Variants in MARS1 observed in about 807,000 individuals in gnomAD.
MARS1 encodes the protein methionyl-tRNA synthetase 1, also known as methionine--tRNA ligase, cytoplasmic.
In MARS1, 80 loss-of-function variants were observed where a neutral mutation model predicts 119.5. The ratio of observed to expected loss-of-function variants is 0.67; its 90% CI spans 0.56 to 0.81. MARS1 has a LOEUF of 0.81. MARS1 is among the 30% of genes least tolerant of loss of function. The probability of loss-of-function intolerance (pLI) is 0.00; values close to 1 mark genes in which losing one functional copy is unlikely to be tolerated. For synonymous variants in MARS1, 418 were observed against 433.4 expected, an observed-to-expected ratio of 0.96 and a Z score of 0.44; for missense variants, 945 against 1,116.5, an observed-to-expected ratio of 0.85 and a Z score of 2.19.
At chr12:57,495,189 C>T (rs1165762733) in intron 7 of MARS1, among the ~76,000 whole-genome samples, 7 of 149,446 alleles carry the variant, frequency 4.7e-5, no homozygotes, top group African/African-American at 1.2e-4. Flanking sequence ...CCCCACCTCC[C>T]GGATGGGGCG....
Position 57,488,181 on chromosome 12 carries a change from A to G in MARS1, c.91A>G (p.Ser31Gly). ...CCGGGGCAGAGCAGAGGTGCTCATCAGCACTGTAGGCCCGGAAGGTACTCG... is the reference window on the plus strand; with the variant it reads ...CCGGGGCAGAGCAGAGGTGCTCATCGGCACTGTAGGCCCGGAAGGTACTCG... ...RARGRAEVLI[S>G]TVGPEDCVVP... The change falls in exon 1 of 21, where the codon AGC (serine) becomes GGC (glycine). Residue 31 changes from serine (S) to glycine (G), a missense_variant. By Grantham distance (56) the Ser-to-Gly change is moderately conservative. Coordinates refer to ENST00000262027, the MANE Select transcript of MARS1 (RefSeq NM_004990.4). The G allele has an allele frequency of 6.2e-7, 1 of 1,613,776 alleles. No homozygotes were observed. Among genetic ancestry groups the G allele is most frequent in the East Asian group, 2.2e-5 (1 of 44,878 alleles).
At position 57,493,843 on chromosome 12, in the gene MARS1, A is replaced by AT. The variant is rs1876386958; in HGVS notation, c.770+3200dup. On this transcript the variant is annotated intron_variant, in intron 7 of 20. Coordinates refer to ENST00000262027, the MANE Select transcript of MARS1 (RefSeq NM_004990.4). Reference sequence around the variant, plus strand: ...TATATATTATATTATATATTATAATATATAATATATATATTTATATTATAT... The same window carrying AT: ...TATATATTATATTATATATTATAATATTATAATATATATATTTATATTATAT... Among the ~76,000 whole-genome samples, 5 of 4,364 alleles carry AT rather than the reference A, an allele frequency of 1.1e-3. No homozygotes were observed. In the Non-Finnish European group the frequency reaches 0.016, roughly 14 times the overall value. 2.9% of individuals were successfully genotyped at this position (4,364 alleles called of 152,430 possible). A position where few individuals can be genotyped will look rare whatever the true frequency, so the allele number is the denominator to read the frequency against.
chr12:57,513,765 C>T (rs1316724017), intron 15 of MARS1, among the ~76,000 whole-genome samples: 2 of 152,072 alleles, frequency 1.3e-5, no homozygotes, highest in South Asian at 2.1e-4. Flanking sequence ...TAGTCACACT[C>T]TCTGAGCCCT....
intron 7 of MARS1, among the ~76,000 whole-genome samples, chr12:57,495,471 C>T (rs563904888): frequency 5.3e-5 from 8 of 151,990 alleles, no homozygotes; most frequent in South Asian, 2.1e-4. Context: ...CTTCTCACTT[C>T]CTAGACAGGT....
At chr12:57,488,620 A>G (rs1875658558) in intron 1 of MARS1, 1 of 1,550,882 alleles carries the variant, frequency 6.4e-7, no homozygotes, top group African/African-American at 1.4e-5. Flanking sequence ...ACCTCTTCTC[A>G]TTCTCAGCCG....
intron 1 of MARS1, 26 bp from the exon 2 acceptor site, chr12:57,488,993 T>C: frequency 1.4e-6 from 2 of 1,470,872 alleles, no homozygotes; most frequent in Non-Finnish European, 1.9e-6. Context: ...TTTTTTTTTT[T>C]AACCCATTTT....
chr12:57,505,381 C>T (rs903550682), intron 11 of MARS1, among the ~76,000 whole-genome samples: 12 of 151,956 alleles, frequency 7.9e-5, no homozygotes, highest in South Asian at 2.1e-4. Context: ...AGGCTGGTCT[C>T]GAACTCCTGA....
intron 10 of MARS1, among the ~76,000 whole-genome samples, chr12:57,503,270 G>A (rs1035487656): frequency 7.9e-6 from 1 of 127,350 alleles, no homozygotes; most frequent in Non-Finnish European, 1.6e-5. Context: ...TTTTGCTCTT[G>A]TTGCCCGGGC....
At chr12:57,488,981 C>T (rs1344589764) in intron 1 of MARS1, 38 bp from the exon 2 acceptor site, 10 of 1,205,660 alleles carry the variant, frequency 8.3e-6, no homozygotes, top group Non-Finnish European at 9.5e-6. Context: ...TTTTCTTTTC[C>T]TTTTTTTTTT....
intron 11 of MARS1, 150 bp downstream of exon 11, chr12:57,504,449 A>G (rs761658960): frequency 3.6e-5 from 24 of 667,670 alleles, no homozygotes; most frequent in Non-Finnish European, 6.0e-5. Context: ...AAATAGATTA[A>G]AGGGCACAAA....
intron 7 of MARS1, among the ~76,000 whole-genome samples, chr12:57,492,481 C>T (rs1380078986): frequency 6.6e-6 from 1 of 151,816 alleles, no homozygotes; most frequent in Non-Finnish European, 1.5e-5. Flanking sequence ...ACCAGCCTGG[C>T]CAACATAGCA....
At chr12:57,511,517 C>T (rs928876097) in intron 11 of MARS1, 181 bp from the exon 12 acceptor site, 2 of 620,070 alleles carry the variant, frequency 3.2e-6, no homozygotes, top group Non-Finnish European at 2.8e-6. Context: ...GTTTAGGCTG[C>T]AGTGAGCTGT....
chr12:57,494,764 C>T (rs1355277085), intron 7 of MARS1, among the ~76,000 whole-genome samples: 1 of 151,930 alleles, frequency 6.6e-6, no homozygotes, highest in Non-Finnish European at 1.5e-5. Context: ...CTTGCACCGC[C>T]CTTAATCCAT....
At chr12:57,498,377 C>G in intron 8 of MARS1, 43 bp from the exon 9 acceptor site, 1 of 1,599,398 alleles carries the variant, frequency 6.3e-7, no homozygotes, top group Non-Finnish European at 8.6e-7. Context: ...GACAAGGAAG[C>G]GCTGAAGCGG....
At chr12:57,507,987 G>A (rs1251076919) in intron 11 of MARS1, among the ~76,000 whole-genome samples, 5 of 152,032 alleles carry the variant, frequency 3.3e-5, no homozygotes, top group Non-Finnish European at 5.9e-5. Context: ...TCTCAGACGC[G>A]GCGGCCGGGC....
chr12:57,512,401 G>A (rs1423107979), intron 14 of MARS1, 48 bp downstream of exon 14: 1 of 1,318,366 alleles, frequency 7.6e-7, no homozygotes, highest in Admixed American at 1.7e-5. Flanking sequence ...GGAAATGAGG[G>A]GTGAGGCAGT....
chr12:57,493,931 T>TA (rs1555166381), intron 7 of MARS1, among the ~76,000 whole-genome samples: 1 of 65,770 alleles, frequency 1.5e-5, no homozygotes, highest in Non-Finnish European at 2.6e-5. Context: ...ATAATATATA[T>TA]TATATATTAT....
At position 57,514,568 on chromosome 12, in the gene MARS1, G is replaced by A. The variant is rs933758232; in HGVS notation, c.1968-152G>A. 4.7e-6 allele frequency: 4 copies of A among 849,156 alleles called. No homozygotes were observed. The African/African-American group carries it at 6.7e-5, about 14-fold the overall frequency. 52.6% of individuals were successfully genotyped at this position (849,156 alleles called of 1,614,324 possible). On this transcript the variant is annotated intron_variant, in intron 15 of 20. Coordinates refer to ENST00000262027, the MANE Select transcript of MARS1 (RefSeq NM_004990.4). The stretch of plus-strand genomic sequence containing the variant: ...GAGAAAGAGTAAATAATTAGGCCTT[G>A]TCTACTAGCTTGAGGGAGCCAGGAG...
At chr12:57,492,494 AC>A (rs1350024026) in intron 7 of MARS1, among the ~76,000 whole-genome samples, 6 of 151,686 alleles carry the variant, frequency 4.0e-5, no homozygotes, top group African/African-American at 7.3e-5. Flanking sequence ...ACATAGCAAA[AC>A]CCTGTCTCTA....
Sources: allele counts gnomAD v4.1 joint callset (sites outside exome capture counted in the v4.1 genomes callset), GRCh38; gene constraint gnomAD v4.1.1; transcripts MANE v1.5; gene names NCBI Gene and HGNC (gene_info 2026-07-23, HGNC 2026-07-21).